NIPA2: variants seen among roughly 807,000 people sequenced by gnomAD.
NIPA2 encodes magnesium transporter NIPA2.
In NIPA2, 11 loss-of-function variants were observed where a neutral mutation model predicts 29.7. That is an observed-to-expected ratio of 0.37 (90% CI 0.23 to 0.61). The LOEUF (loss-of-function observed/expected upper bound fraction) is 0.61, where lower values mean the gene tolerates loss of function less well. Ranked by LOEUF, NIPA2 falls within the 20% of genes least tolerant of loss-of-function variation. The pLI is 0.66. For synonymous variants in NIPA2, 183 were observed against 161.9 expected (o/e 1.13, Z -0.99); for missense variants, 426 against 437.9 (o/e 0.97, Z 0.24).
intron 2 of NIPA2, among the ~76,000 whole-genome samples, chr15:22,843,987 G>A (rs1034472244): frequency 1.3e-5 from 2 of 152,094 alleles, no homozygotes; most frequent in Non-Finnish European, 2.9e-5. Flanking sequence ...GTGAGCCGCC[G>A]TGCTCGGCCC....
Position 22,867,123 on chromosome 15 carries a change from A to C in NIPA2, c.*276A>C. 8.3e-6 allele frequency: 4 copies of C among 483,736 alleles called. No individual in the cohort carries two copies. The highest frequency in any genetic ancestry group is 1.4e-5 in the Non-Finnish European group (4 of 277,770). The allele number at this position is 483,736 out of a possible 1,614,324, so 30.0% of individuals were successfully genotyped here. On this transcript the variant is annotated 3_prime_UTR_variant, in exon 8 of 8. Transcript: ENST00000337451. Reference sequence around the variant, plus strand: ...CCTTCTCCAAAAGCCGAATGCACTAATGACAGTTTTAAGTCTATGAAAATG... The same window carrying C: ...CCTTCTCCAAAAGCCGAATGCACTACTGACAGTTTTAAGTCTATGAAAATG...
At position 22,866,538 on chromosome 15, in the gene NIPA2, A is replaced by G. The variant is rs138775813; in HGVS notation, c.774A>G (p.Thr258=). 435 of 1,613,870 alleles carry G rather than the reference A, an allele frequency of 2.7e-4. 5 individuals are homozygous for G. In the African/African-American group the frequency reaches 4.7e-3, roughly 17 times the overall value. ...VTPIYYVFFT[T]SVLTCSAILF... ...CAATATATTATGTATTCTTTACAAC[A>G]TCAGTTTTAACTTGTTCAGCTATTC... The change falls in exon 8 of 8, where the codon ACA becomes ACG. Residue 258 remains threonine, a synonymous_variant. Coordinates refer to ENST00000337451, the MANE Select transcript of NIPA2 (RefSeq NM_030922.7).
intron 7 of NIPA2, among the ~76,000 whole-genome samples, chr15:22,863,311 T>C (rs1242356566): frequency 6.6e-6 from 1 of 152,042 alleles, no homozygotes; most frequent in Non-Finnish European, 1.5e-5. Flanking sequence ...CTCAACCTAC[T>C]GGGCTCAAGT....
At chr15:22,852,002 TTTACAAAG>T in intron 4 of NIPA2, 132 bp downstream of exon 4, 1 of 759,894 alleles carries the variant, frequency 1.3e-6, no homozygotes, top group Admixed American at 2.6e-5. Flanking sequence ...GTTCTAAATG[TTTACAAAG>T]TTGATGTTTG....
At position 22,846,829 on chromosome 15, in the gene NIPA2, A is replaced by AT. The variant is rs1898806897; in HGVS notation, c.-94+1563dup. 4.0e-3 allele frequency among the ~76,000 whole-genome samples: 475 copies of AT among 119,278 alleles called. 3 individuals carry two copies. Among genetic ancestry groups the AT allele is most frequent in the South Asian group, 0.025 (90 of 3,540 alleles). 78.3% of individuals were successfully genotyped at this position (119,278 alleles called of 152,430 possible). A position where few individuals can be genotyped will look rare whatever the true frequency, so the allele number is the denominator to read the frequency against. On this transcript the variant is annotated intron_variant, in intron 3 of 7. Transcript: ENST00000337451. The stretch of plus-strand genomic sequence containing the variant: ...AGACCCTGTCTCCAAAATAATAATA[A>AT]TAATAATAATAATTATTATTATTAT...
intron 6 of NIPA2, among the ~76,000 whole-genome samples, chr15:22,860,071 C>T (rs1357113661): frequency 6.6e-6 from 1 of 150,434 alleles, no homozygotes; most frequent in African/African-American, 2.5e-5. Flanking sequence ...CACTGTGTCA[C>T]CCAGGCTGGA....
intron 4 of NIPA2, among the ~76,000 whole-genome samples, chr15:22,852,981 A>G (rs1017133350): frequency 1.3e-5 from 2 of 152,150 alleles, no homozygotes; most frequent in Non-Finnish European, 2.9e-5. Context: ...CTAGTCCCTG[A>G]TGCTTGGTCC....
intron 6 of NIPA2, among the ~76,000 whole-genome samples, chr15:22,858,925 C>A (rs975156664): frequency 6.6e-6 from 1 of 152,158 alleles, no homozygotes; most frequent in Non-Finnish European, 1.5e-5. Flanking sequence ...TGCCTGTAAT[C>A]CCAGCATTTT....
intron 4 of NIPA2, 128 bp from the exon 5 acceptor site, chr15:22,853,084 C>T (rs961087179): frequency 1.8e-5 from 11 of 612,416 alleles, no homozygotes; most frequent in East Asian, 1.1e-4. Flanking sequence ...AGAGAAATCC[C>T]GAGTCATGCA....
At chr15:22,841,582 C>T (rs551796022) in intron 2 of NIPA2, among the ~76,000 whole-genome samples, 2 of 152,172 alleles carry the variant, frequency 1.3e-5, no homozygotes, top group African/African-American at 4.8e-5. Context: ...GATCTCGGCT[C>T]ACTGCAACCT....
Position 22,860,769 on chromosome 15 carries a change from C to G in NIPA2, c.428C>G (p.Ser143Cys). 1.9e-6 allele frequency: 3 copies of G among 1,596,374 alleles called. No homozygotes were observed. The highest frequency in any genetic ancestry group is 1.2e-5 in the South Asian group (1 of 86,452). The change falls in exon 7 of 8, where the codon TCT becomes TGT. Residue 143 changes from serine to cysteine, a missense_variant. Ser to Cys is a moderately radical substitution (Grantham distance 112). Coordinates refer to ENST00000337451, the MANE Select transcript of NIPA2 (RefSeq NM_030922.7). ...EEEIETLNEM[S>C]HKLGDPGFVV... is the part of the protein sequence containing the mutation. Reference sequence around the variant, plus strand: ...GAGATTGAGACTTTAAATGAAATGTCTCACAAGCTAGGTGATCCAGGTAAG... The same window carrying G: ...GAGATTGAGACTTTAAATGAAATGTGTCACAAGCTAGGTGATCCAGGTAAG...
chr15:22,867,818 G>A lies in NIPA2; in HGVS notation c.*971G>A, dbSNP rs975892396. 1.9e-4 allele frequency: 28 copies of A among 151,250 alleles called. No individual in the cohort carries two copies. Among genetic ancestry groups the A allele is most frequent in the African/African-American group, 6.5e-4 (27 of 41,296 alleles). 9.4% of individuals were successfully genotyped at this position (151,250 alleles called of 1,614,324 possible). A position where few individuals can be genotyped will look rare whatever the true frequency, so the allele number is the denominator to read the frequency against. ...AGTACTTTGCTTAAGAGCTCCTTTG[G>A]GCCACTACATATTTTGGTTTCTAGA... On this transcript the variant is annotated 3_prime_UTR_variant, in exon 8 of 8. Transcript: ENST00000337451.
At chr15:22,840,475 T>G (rs1243058995) in intron 2 of NIPA2, among the ~76,000 whole-genome samples, 1 of 151,948 alleles carries the variant, frequency 6.6e-6, no homozygotes, top group Admixed American at 6.6e-5. Flanking sequence ...TTTTTGTATT[T>G]TTAGTAGAGA....
chr15:22,844,471 T>C (rs1259684937), intron 2 of NIPA2, among the ~76,000 whole-genome samples: 1 of 152,016 alleles, frequency 6.6e-6, no homozygotes, highest in Non-Finnish European at 1.5e-5. Context: ...GGAGACTTGC[T>C]TGAACCCGGG....
intron 2 of NIPA2, among the ~76,000 whole-genome samples, chr15:22,844,283 G>A (rs527745025): frequency 5.3e-5 from 8 of 152,004 alleles, no homozygotes; most frequent in Admixed American, 1.3e-4. Flanking sequence ...CTTGTTGGCC[G>A]GGAGTGGTGG....
intron 2 of NIPA2, among the ~76,000 whole-genome samples, chr15:22,840,810 G>A (rs567638021): frequency 6.6e-6 from 1 of 152,212 alleles, no homozygotes; most frequent in Admixed American, 6.5e-5. Flanking sequence ...GGTAGCTATT[G>A]TTAGGGAGAG....
chr15:22,861,510 A>AT (rs1485555489), intron 7 of NIPA2, among the ~76,000 whole-genome samples: 2 of 152,206 alleles, frequency 1.3e-5, no homozygotes, highest in African/African-American at 2.4e-5. Flanking sequence ...AAGAGATGAG[A>AT]TTTTTTGAGA....
chr15:22,862,400 A>G (rs1282636108), intron 7 of NIPA2, among the ~76,000 whole-genome samples: 1 of 151,956 alleles, frequency 6.6e-6, no homozygotes, highest in Non-Finnish European at 1.5e-5. Context: ...TACTCCTTTG[A>G]TATTCTTGTT....
chr15:22,844,280 G>T (rs1897960415), intron 2 of NIPA2, among the ~76,000 whole-genome samples: 1 of 151,986 alleles, frequency 6.6e-6, no homozygotes, highest in African/African-American at 2.4e-5. Flanking sequence ...GAACTTGTTG[G>T]CCGGGAGTGG....
Sources: allele counts gnomAD v4.1 joint callset (sites outside exome capture counted in the v4.1 genomes callset), GRCh38; gene constraint gnomAD v4.1.1; transcripts MANE v1.5; gene names NCBI Gene and HGNC (gene_info 2026-07-23, HGNC 2026-07-21).